ZNF221: variants seen among roughly 807,000 people sequenced by gnomAD.
ZNF221 encodes the protein zinc finger protein 221.
In ZNF221, 10 loss-of-function variants were observed where a neutral mutation model predicts 12.6. That is an observed-to-expected ratio of 0.79 (90% CI 0.49 to 1.34). ZNF221 has a LOEUF of 1.34. ZNF221 is among the 40% of genes most tolerant of loss of function. The probability of loss-of-function intolerance (pLI) is 0.00; values close to 1 mark genes in which losing one functional copy is unlikely to be tolerated. For missense variants in ZNF221, 661 were observed against 721.4 expected (o/e 0.92, Z 0.96); for synonymous variants, 232 against 244.0 (o/e 0.95, Z 0.46).
the ZNF221 span, among the ~76,000 whole-genome samples, chr19:43,972,961 T>C: frequency 6.0e-4 from 91 of 152,076 alleles, no homozygotes; most frequent in African/African-American, 1.8e-3. Context: ...AAAGAAAACT[T>C]CAGGCCAGTA....
At chr19:43,962,571 G>A (rs189126911) in intron 1 of ZNF221, among the ~76,000 whole-genome samples, 154 bp from the exon 2 acceptor site, 4 of 152,184 alleles carry the variant, frequency 2.6e-5, no homozygotes, top group East Asian at 1.9e-4. Context: ...TCATTTACCC[G>A]TAGGAGGGCA....
In ZNF221 at chr19:43,966,597, A is replaced by T; in HGVS notation, c.1095A>T (p.Pro365=). 1 of 1,614,214 alleles carries T rather than the reference A, an allele frequency of 6.2e-7. No homozygotes were observed. Among genetic ancestry groups the T allele is most frequent in the Non-Finnish European group, 8.5e-7 (1 of 1,180,034 alleles). ...SHSMVHIEEK[P]YKCEQCGKGF... ...CCATGGTCCACATAGAAGAGAAGCC[A>T]TACAAATGTGAGCAATGTGGAAAAG... Residue 365 remains proline, a synonymous_variant, in exon 5 of 5, where the codon CCA becomes CCT. Transcript: ENST00000587682.
chr19:43,962,933 G>A (rs1974871834), intron 2 of ZNF221, 126 bp downstream of exon 2: 9 of 783,560 alleles, frequency 1.1e-5, no homozygotes, highest in Non-Finnish European at 1.6e-5. Context: ...TTTGCCAGAT[G>A]CTTCCTTTGC....
chr19:43,962,455 G>A (rs1018838176), intron 1 of ZNF221, among the ~76,000 whole-genome samples: 5 of 152,052 alleles, frequency 3.3e-5, no homozygotes, highest in Non-Finnish European at 7.4e-5. Flanking sequence ...CTTTAACTTA[G>A]CATAATGTTT....
chr19:43,962,719 T>C lies in ZNF221; in HGVS notation c.-2-6T>C, dbSNP rs376412812. 112 of 1,613,836 alleles carry C rather than the reference T, an allele frequency of 6.9e-5. No homozygotes were observed. The highest frequency in any genetic ancestry group is 9.2e-5 in the Non-Finnish European group (109 of 1,179,868). On this transcript the variant is annotated splice_region_variant and splice_polypyrimidine_tract_variant and intron_variant, in intron 1 of 4. Transcript: ENST00000587682. ...CTGTTTTTCTGCCTTTCCTGGCACT[T>C]TCCAGGCATGATTTCACCTTCACTT...
the ZNF221 span, among the ~76,000 whole-genome samples, chr19:43,973,332 C>G: frequency 1.0e-3 from 159 of 152,256 alleles, no homozygotes; most frequent in African/African-American, 3.5e-3. Context: ...CCCTTGAAAA[C>G]TGGCACAAGA....
intron 1 of ZNF221, among the ~76,000 whole-genome samples, chr19:43,960,004 G>A (rs904771981): frequency 6.6e-6 from 1 of 151,684 alleles, no homozygotes; most frequent in Non-Finnish European, 1.5e-5. Flanking sequence ...TTTTCACTGA[G>A]CCATGGGAAC....
the ZNF221 span, among the ~76,000 whole-genome samples, chr19:43,979,422 CATATATATAT>C: frequency 2.2e-5 from 3 of 138,536 alleles, no homozygotes; most frequent in African/African-American, 8.2e-5. Context: ...AACAGTAATA[CATATATATAT>C]ATATATATAT....
In ZNF221 at chr19:43,966,989, A is replaced by T. The variant is rs1038284764; in HGVS notation, c.1487A>T (p.His496Leu). Reference protein sequence around the residue: ...SFGWASCLLKHQRLHSGEKPF... With the variant: ...SFGWASCLLKLQRLHSGEKPF... ...GGCTGGGCCTCCTGTCTTTTGAAACATCAGAGACTCCACAGTGGGGAAAAA... is the reference window on the plus strand; with the variant it reads ...GGCTGGGCCTCCTGTCTTTTGAAACTTCAGAGACTCCACAGTGGGGAAAAA... The change falls in exon 5 of 5, where the codon CAT (histidine) becomes CTT (leucine). Residue 496 changes from histidine (H) to leucine (L), a missense_variant. Physicochemically the swap from His to Leu is moderately conservative, Grantham distance 99 (BLOSUM62 -3). Transcript: ENST00000587682. 1 of 1,614,138 alleles carries T rather than the reference A, an allele frequency of 6.2e-7. No homozygotes were observed. Among genetic ancestry groups the T allele is most frequent in the African/African-American group, 1.3e-5 (1 of 75,032 alleles).
At chr19:43,969,344 T>A, downstream of ZNF221, among the ~76,000 whole-genome samples, 1 of 90,956 alleles carries the variant, frequency 1.1e-5, no homozygotes. Flanking sequence ...CTTTTTTTTT[T>A]TTTTTTTTTT....
At chr19:43,968,961 C>T (rs1490228997), downstream of ZNF221, among the ~76,000 whole-genome samples, 1 of 152,220 alleles carries the variant, frequency 6.6e-6, no homozygotes, top group Non-Finnish European at 1.5e-5. Flanking sequence ...AGCGGCCTCT[C>T]AGGCACACAC....
chr19:43,968,427 C>T (rs1320079983), downstream of ZNF221, among the ~76,000 whole-genome samples: 3 of 152,216 alleles, frequency 2.0e-5, no homozygotes, highest in East Asian at 5.8e-4. Context: ...ACAACCTTAA[C>T]ACTGATTGGC....
At chr19:43,975,140 A>G in the ZNF221 span, among the ~76,000 whole-genome samples, 1 of 152,210 alleles carries the variant, frequency 6.6e-6, no homozygotes, top group Non-Finnish European at 1.5e-5. Context: ...CAGTGTGGCA[A>G]TTCCTCAAAG....
the ZNF221 span, among the ~76,000 whole-genome samples, chr19:43,980,372 G>A: frequency 3.3e-5 from 5 of 152,140 alleles, no homozygotes; most frequent in African/African-American, 7.2e-5. Flanking sequence ...TTCAATAAAC[G>A]GGAGGTCAGT....
At chr19:43,979,334 T>A in the ZNF221 span, among the ~76,000 whole-genome samples, 1 of 151,912 alleles carries the variant, frequency 6.6e-6, no homozygotes, top group African/African-American at 2.4e-5. Context: ...CCTTAAACAG[T>A]TTTCTGATGA....
intron 2 of ZNF221, among the ~76,000 whole-genome samples, 164 bp downstream of exon 2, chr19:43,962,971 T>A (rs1289506536): frequency 6.6e-6 from 1 of 152,192 alleles, no homozygotes; most frequent in Non-Finnish European, 1.5e-5. Flanking sequence ...TCCGTTTGGT[T>A]TTAGTTCTTG....
At chr19:43,959,410 C>T (rs1974808344) in intron 1 of ZNF221, among the ~76,000 whole-genome samples, 1 of 152,166 alleles carries the variant, frequency 6.6e-6, no homozygotes, top group African/African-American at 2.4e-5. Flanking sequence ...GAGTCCAACC[C>T]AGTCCTTTTA....
At chr19:43,957,900 T>G (rs1176618385) in intron 1 of ZNF221, among the ~76,000 whole-genome samples, 1 of 152,192 alleles carries the variant, frequency 6.6e-6, no homozygotes, top group Non-Finnish European at 1.5e-5. Flanking sequence ...GAAGTACAGA[T>G]CTAGCAGTCA....
At chr19:43,977,092 T>C in the ZNF221 span, 1 of 152,200 alleles carries the variant, frequency 6.6e-6, no homozygotes, top group East Asian at 1.9e-4. Flanking sequence ...CTTAGGGAAA[T>C]CCTATTGTAG....
Sources: gnomAD v4.1 joint callset for allele counts (sites outside exome capture counted in the v4.1 genomes callset) on GRCh38, gnomAD v4.1.1 for gene constraint, MANE v1.5 for transcripts, NCBI Gene and HGNC (gene_info 2026-07-23, HGNC 2026-07-21) for gene names.